PDE10A: variants seen among roughly 807,000 people sequenced by gnomAD.
The protein encoded by PDE10A is phosphodiesterase 10A.
In PDE10A, 39 loss-of-function variants were observed where a neutral mutation model predicts 97.7. The ratio of observed to expected loss-of-function variants is 0.40; its 90% CI spans 0.31 to 0.52. The LOEUF (loss-of-function observed/expected upper bound fraction) is 0.52, where lower values mean the gene tolerates loss of function less well. PDE10A is among the 20% of genes least tolerant of loss of function. PDE10A has a pLI of 0.56. For missense variants in PDE10A, 731 were observed against 1,047.8 expected, an observed-to-expected ratio of 0.70 and a Z score of 4.17; for synonymous variants, 371 against 376.8, an observed-to-expected ratio of 0.98 and a Z score of 0.18.
chr6:165,429,336 T>C (rs1216781868), intron 9 of PDE10A, among the ~76,000 whole-genome samples: 2 of 152,060 alleles, frequency 1.3e-5, no homozygotes, highest in Admixed American at 6.6e-5. Flanking sequence ...GCATGTAACG[T>C]ATGGAAAATG....
At chr6:165,981,101 T>G (rs943554812) in intron 1 of PDE10A, among the ~76,000 whole-genome samples, 5 of 152,160 alleles carry the variant, frequency 3.3e-5, no homozygotes, top group Admixed American at 3.3e-4. Flanking sequence ...GAGCAAGAGT[T>G]GGCAAACAGA....
intron 1 of PDE10A, among the ~76,000 whole-genome samples, chr6:165,832,259 G>A (rs1779942294): frequency 6.6e-6 from 1 of 151,688 alleles, no homozygotes; most frequent in African/African-American, 2.4e-5. Flanking sequence ...CAGAAGTGGT[G>A]GTGGGAGGCG....
intron 21 of PDE10A, among the ~76,000 whole-genome samples, chr6:165,334,238 G>A (rs1006732510): frequency 6.6e-6 from 1 of 152,228 alleles, no homozygotes; most frequent in Non-Finnish European, 1.5e-5. Flanking sequence ...AGTGGACACC[G>A]TGTTCTCAGA....
At position 165,693,913 on chromosome 6, in the gene PDE10A, G is replaced by GT. The variant is rs544319927; in HGVS notation, c.-614-150346dup. 5.7e-3 allele frequency among the ~76,000 whole-genome samples: 863 copies of GT among 151,954 alleles called. 12 individuals carry two copies. Among genetic ancestry groups the GT allele is most frequent in the African/African-American group, 0.02 (825 of 41,448 alleles). ...TAAATGCTCATACACAGTTTTAGAA[G>GT]TTTTTTTTCCAGTTAATATGCAATG... On this transcript the variant is annotated intron_variant, in intron 1 of 19. Coordinates refer to the PDE10A transcript ENST00000366882.
At position 165,721,311 on chromosome 6, in the gene PDE10A, T is replaced by C. The variant is rs761467503; in HGVS notation, c.-614-177743A>G. On this transcript the variant is annotated intron_variant, in intron 1 of 19. Coordinates refer to the PDE10A transcript ENST00000366882. ...AGCTGTGAAATTACATTTCAAAAAATCCTGGATTTTGGTGTTTGGTAACGA... is the reference window on the plus strand; with the variant it reads ...AGCTGTGAAATTACATTTCAAAAAACCCTGGATTTTGGTGTTTGGTAACGA... Among the ~76,000 whole-genome samples, 14 of 152,324 alleles carry C rather than the reference T, an allele frequency of 9.2e-5. 1 individual carries two copies. The highest frequency in any genetic ancestry group is 1.9e-4 in the Non-Finnish European group (13 of 68,034).
intron 1 of PDE10A, among the ~76,000 whole-genome samples, chr6:165,706,332 G>C (rs1390047048): frequency 2.6e-5 from 4 of 152,020 alleles, no homozygotes; most frequent in Admixed American, 6.6e-5. Context: ...GACGGTTTTG[G>C]CTTCCTAGAT....
At chr6:165,401,714 G>A (rs577290446) in intron 13 of PDE10A, among the ~76,000 whole-genome samples, 1 of 152,186 alleles carries the variant, frequency 6.6e-6, no homozygotes, top group East Asian at 1.9e-4. Context: ...TCCTAGCTGC[G>A]CAAGGCCCAC....
At chr6:165,452,157 G>A (rs1468348072) in intron 3 of PDE10A, among the ~76,000 whole-genome samples, 1 of 152,146 alleles carries the variant, frequency 6.6e-6, no homozygotes, top group East Asian at 1.9e-4. Context: ...TGCAGGCCAG[G>A]AATTAATGAG....
intron 10 of PDE10A, among the ~76,000 whole-genome samples, chr6:165,419,001 G>A (rs1020408844): frequency 1.3e-5 from 2 of 152,132 alleles, no homozygotes; most frequent in African/African-American, 2.4e-5. Flanking sequence ...AATACACAGC[G>A]GATATGCATC....
chr6:165,619,598 C>CATAGTGTACTGTAGTCTAGT (rs1562635336), intron 1 of PDE10A, among the ~76,000 whole-genome samples: 12 of 107,218 alleles, frequency 1.1e-4, no homozygotes, highest in African/African-American at 6.2e-4. Context: ...TGTAGTCTAG[C>CATAGTGTACTGTAGTCTAGT]GTAGTGCACT....
chr6:165,744,061 A>G (rs1257863248), intron 1 of PDE10A, among the ~76,000 whole-genome samples: 1 of 152,174 alleles, frequency 6.6e-6, no homozygotes, highest in African/African-American at 2.4e-5. Context: ...TGGGAGTTAC[A>G]GGTCATCTAT....
intron 20 of PDE10A, among the ~76,000 whole-genome samples, chr6:165,338,144 T>C (rs1425250729): frequency 6.6e-6 from 1 of 152,182 alleles, no homozygotes; most frequent in Non-Finnish European, 1.5e-5. Flanking sequence ...GAGGGAAAAG[T>C]GACCATGCCA....
intron 9 of PDE10A, among the ~76,000 whole-genome samples, chr6:165,429,861 C>T (rs1259851202): frequency 6.6e-6 from 1 of 151,196 alleles, no homozygotes; most frequent in East Asian, 2.0e-4. Context: ...AACTGAGATA[C>T]TATACATGGG....
intron 18 of PDE10A, among the ~76,000 whole-genome samples, chr6:165,372,587 A>G (rs1784331869): frequency 6.6e-6 from 1 of 151,180 alleles, no homozygotes; most frequent in African/African-American, 2.4e-5. Context: ...GAGGATACAC[A>G]CAAATGGAAG....
chr6:165,944,737 C>A (rs1419832110), intron 1 of PDE10A, among the ~76,000 whole-genome samples: 1 of 152,188 alleles, frequency 6.6e-6, no homozygotes, highest in African/African-American at 2.4e-5. Flanking sequence ...TTCACATATT[C>A]TTGCTTCAAA....
At chr6:165,761,211 T>G (rs1467000776) in intron 1 of PDE10A, among the ~76,000 whole-genome samples, 1 of 152,238 alleles carries the variant, frequency 6.6e-6, no homozygotes, top group Non-Finnish European at 1.5e-5. Flanking sequence ...TCAAAGTGTC[T>G]GTGAGCCTAA....
At chr6:165,932,039 G>A (rs897177792) in intron 1 of PDE10A, among the ~76,000 whole-genome samples, 4 of 152,198 alleles carry the variant, frequency 2.6e-5, no homozygotes, top group African/African-American at 7.2e-5. Context: ...GCGGGTGAAC[G>A]GTCACAAAAG....
chr6:165,936,788 G>A (rs1009527637), intron 1 of PDE10A, among the ~76,000 whole-genome samples: 2 of 152,130 alleles, frequency 1.3e-5, no homozygotes, highest in Non-Finnish European at 2.9e-5. Context: ...GACTTACTGG[G>A]GAGCCTCATT....
chr6:165,426,675 GA>G (rs1554260510), intron 10 of PDE10A, among the ~76,000 whole-genome samples: 1 of 152,082 alleles, frequency 6.6e-6, no homozygotes, highest in Non-Finnish European at 1.5e-5. Context: ...TCAAGAAAGT[GA>G]AAAGGCAACC....
Sources: gnomAD v4.1 joint callset for allele counts (sites outside exome capture counted in the v4.1 genomes callset) on GRCh38, gnomAD v4.1.1 for gene constraint, MANE v1.5 for transcripts, NCBI Gene and HGNC (gene_info 2026-07-23, HGNC 2026-07-21) for gene names.